Variants in CCDC187 observed in about 807,000 individuals in gnomAD.
The protein encoded by CCDC187 is coiled-coil domain containing 187.
Under a neutral mutation model 38.0 loss-of-function variants are expected in CCDC187, and 32 were observed. That is an observed-to-expected ratio of 0.84 (90% confidence interval 0.64 to 1.13). The LOEUF is 1.13. Ranked by LOEUF, CCDC187 falls within the 50% of genes most tolerant of loss-of-function variation. The pLI, the probability that CCDC187 is intolerant of heterozygous loss-of-function variation, is 0.00. For synonymous variants in CCDC187, 333 were observed against 347.9 expected (o/e 0.96, Z 0.48); for missense variants, 707 against 786.8 (o/e 0.90, Z 1.21).
chr9:136,288,116 C>T (rs1488825672), intron 7 of CCDC187, among the ~76,000 whole-genome samples: 3 of 152,228 alleles, frequency 2.0e-5, no homozygotes, highest in African/African-American at 4.8e-5. Flanking sequence ...CGGAGCCCGA[C>T]GGTGGCCAGT....
rs1191472537 is a variant in CCDC187 at position 136,293,504 on chromosome 9, CACAA to C, written c.833-1213_833-1210del. On this transcript the variant is annotated intron_variant, in intron 4 of 25. Coordinates refer to ENST00000638797, the MANE Select transcript of CCDC187 (RefSeq NM_001378188.1). ...ACTCACAAACACATGCTCACACACT[CACAA>C]ACACACATGCTCACATACACGCTTA... Among the ~76,000 whole-genome samples, 554 of 116,864 alleles carry C rather than the reference CACAA, an allele frequency of 4.7e-3. 7 individuals carry two copies. Among genetic ancestry groups the C allele is most frequent in the South Asian group, 9.3e-3 (34 of 3,666 alleles). The allele number at this position is 116,864 out of a possible 152,430, so 76.7% of individuals were successfully genotyped here. A position where few individuals can be genotyped will look rare whatever the true frequency, so the allele number is the denominator to read the frequency against.
intron 17 of CCDC187, 162 bp from the exon 18 acceptor site, chr9:136,263,960 G>A: frequency 8.5e-6 from 3 of 352,132 alleles, no homozygotes; most frequent in Non-Finnish European, 1.2e-5. Context: ...CCGGGCCTAG[G>A]ATACCCCCAT....
intron 7 of CCDC187, 127 bp from the exon 8 acceptor site, chr9:136,286,822 A>G (rs1253397592): frequency 2.5e-6 from 1 of 397,588 alleles, no homozygotes; most frequent in Non-Finnish European, 4.4e-6. Flanking sequence ...GTCTGTCCGC[A>G]GGGACCAGGG....
intron 10 of CCDC187, among the ~76,000 whole-genome samples, chr9:136,277,104 C>G (rs892150758): frequency 6.6e-6 from 1 of 151,950 alleles, no homozygotes; most frequent in South Asian, 2.1e-4. Context: ...GCTTTGCCCC[C>G]AGACAGACCG....
intron 19 of CCDC187, among the ~76,000 whole-genome samples, chr9:136,261,815 G>A (rs1313363561): frequency 6.6e-6 from 1 of 152,236 alleles, no homozygotes; most frequent in Non-Finnish European, 1.5e-5. Context: ...ATAGAGTCTT[G>A]AGGGCTGCTG....
intron 10 of CCDC187, 72 bp downstream of exon 10, chr9:136,281,479 G>C (rs1174508931): frequency 2.5e-6 from 1 of 398,530 alleles, no homozygotes; most frequent in Non-Finnish European, 4.4e-6. Flanking sequence ...CTAGGCAGTG[G>C]AAGGTGTTCT....
intron 10 of CCDC187, among the ~76,000 whole-genome samples, chr9:136,277,788 C>T (rs1471351967): frequency 3.3e-5 from 5 of 152,238 alleles, no homozygotes; most frequent in South Asian, 2.1e-4. Flanking sequence ...GTGGGGCCCT[C>T]GTGATGGCTT....
chr9:136,293,235 G>A (rs1046649827), intron 4 of CCDC187, among the ~76,000 whole-genome samples: 35,802 of 116,592 alleles, frequency 0.31, 5,222 homozygotes, highest in East Asian at 0.53. Flanking sequence ...ACACTCACAC[G>A]CTCACACTCA....
chr9:136,267,845 C>T (rs1215522058), intron 15 of CCDC187: 1 of 984,958 alleles, frequency 1.0e-6, no homozygotes, highest in Non-Finnish European at 1.2e-6. Context: ...AAATGCCTGC[C>T]CCCCTCTGTC....
intron 6 of CCDC187, 44 bp downstream of exon 6, chr9:136,290,441 GC>G (rs1831293286): frequency 7.5e-6 from 3 of 398,648 alleles, no homozygotes; most frequent in Non-Finnish European, 8.8e-6. Flanking sequence ...TAAGCCTCTG[GC>G]CCATGGCTGA....
chr9:136,280,148 G>C (rs1041809661), intron 10 of CCDC187, among the ~76,000 whole-genome samples: 2 of 152,244 alleles, frequency 1.3e-5, no homozygotes, highest in Non-Finnish European at 2.9e-5. Context: ...CACCCCACCG[G>C]CACATGCGCT....
chr9:136,250,489 G>A lies in CCDC187; in HGVS notation c.*3105C>T. 2.9e-6 allele frequency: 1 copy of A among 341,506 alleles called. No homozygotes were observed. The highest frequency in any genetic ancestry group is 5.8e-6 in the Non-Finnish European group (1 of 172,600). 21.2% of individuals were successfully genotyped at this position (341,506 alleles called of 1,614,324 possible). On this transcript the variant is annotated 3_prime_UTR_variant, in exon 26 of 26. Coordinates refer to ENST00000638797, the MANE Select transcript of CCDC187 (RefSeq NM_001378188.1). ...ATCGTCATGCCAGATGCGTGTGTGT[G>A]AGATACATAATTCCTCTCACACGGC...
intron 12 of CCDC187, 72 bp downstream of exon 12, chr9:136,276,122 C>T (rs1830926240): frequency 6.6e-6 from 1 of 152,260 alleles, no homozygotes; most frequent in Non-Finnish European, 1.5e-5. Context: ...CGCATTCCTT[C>T]CCAGTGTGAC....
intron 4 of CCDC187, 86 bp downstream of exon 4, chr9:136,297,628 C>A (rs1354413813): frequency 5.1e-6 from 2 of 395,582 alleles, no homozygotes; most frequent in Non-Finnish European, 8.9e-6. Context: ...CCAGCCCCAG[C>A]CCCAGAAATG....
At chr9:136,271,436 G>A (rs551138698) in intron 14 of CCDC187, among the ~76,000 whole-genome samples, 6 of 151,866 alleles carry the variant, frequency 4.0e-5, no homozygotes, top group Non-Finnish European at 7.4e-5. Context: ...CAGGAGAATC[G>A]CTTGAACCTG....
In CCDC187 at chr9:136,281,227, C is replaced by T. The variant is rs920275139; in HGVS notation, c.3040+324G>A. ...AACACTCAGTAGCAGAAGAAAAAGT[C>T]GAATCCGAGCTGATGGGACTGTAAG... On this transcript the variant is annotated intron_variant, in intron 10 of 25. Coordinates refer to ENST00000638797, the MANE Select transcript of CCDC187 (RefSeq NM_001378188.1). 275 of 395,596 alleles carry T rather than the reference C, an allele frequency of 7.0e-4. 1 individual carries two copies. In the East Asian group the frequency reaches 9.1e-3, roughly 13 times the overall value. The allele number at this position is 395,596 out of a possible 1,614,324, so 24.5% of individuals were successfully genotyped here.
At position 136,255,728 on chromosome 9, in the gene CCDC187, T is replaced by A; in HGVS notation, c.4622A>T (p.Glu1541Val). The A allele has an allele frequency of 1.2e-5, 12 of 985,430 alleles. No individual in the cohort carries two copies. The highest frequency in any genetic ancestry group is 1.3e-5 in the Non-Finnish European group (11 of 829,924). The allele number at this position is 985,430 out of a possible 1,614,324, so 61.0% of individuals were successfully genotyped here. A position where few individuals can be genotyped will look rare whatever the true frequency, so the allele number is the denominator to read the frequency against. The change falls in exon 25 of 26, where the codon GAG (glutamate) becomes GTG (valine). Residue 1541 changes from glutamate to valine, a missense_variant. Glu to Val is a moderately radical substitution (Grantham distance 121, BLOSUM62 -2). Coordinates refer to ENST00000638797, the MANE Select transcript of CCDC187 (RefSeq NM_001378188.1). ...ESWRSGEQRT[E>V]ACQQEVPGIS... ...GCCGGGGACCTCCTGCTGACAGGCC[T>A]CCGTCCTGCAAGCACATTCGTGGAG...
chr9:136,268,097 G>T lies in CCDC187; in HGVS notation c.3471C>A (p.Ser1157=). ...GGAAGAACTTGGCCAGGGGAAGCTG[G>T]GAGAGGGCTCCGTCAGGGCCCTCCA... ...AEVEGPDGAL[S]QLPLAKFFPP... The change falls in exon 15 of 26, where the codon TCC becomes TCA. Residue 1157 remains serine, a synonymous_variant. Coordinates refer to ENST00000638797, the MANE Select transcript of CCDC187 (RefSeq NM_001378188.1). 1.0e-6 allele frequency: 1 copy of T among 985,526 alleles called. No homozygotes were observed. The highest frequency in any genetic ancestry group is 5.2e-4 in the Middle Eastern group (1 of 1,914). 61.0% of individuals were successfully genotyped at this position (985,526 alleles called of 1,614,324 possible).
intron 12 of CCDC187, 100 bp from the exon 13 acceptor site, chr9:136,275,107 G>A (rs974290474): frequency 4.6e-5 from 7 of 152,408 alleles, no homozygotes; most frequent in South Asian, 2.1e-4. Flanking sequence ...TCCCAAGGAG[G>A]AGCCTGAAGC....
Sources: allele counts gnomAD v4.1 joint callset (sites outside exome capture counted in the v4.1 genomes callset), GRCh38; gene constraint gnomAD v4.1.1; transcripts MANE v1.5; gene names NCBI Gene and HGNC (gene_info 2026-07-23, HGNC 2026-07-21).